SLC35E2B: variants seen among roughly 807,000 people sequenced by gnomAD.
SLC35E2B encodes the protein solute carrier family 35 member E2B, also known as solute carrier family 35, member E2B.
A neutral mutation model predicts 32.4 loss-of-function variants in SLC35E2B; 18 were observed. That is an observed-to-expected ratio of 0.56 (90% CI 0.38 to 0.82). SLC35E2B has a LOEUF of 0.82. SLC35E2B is among the 40% of genes least tolerant of loss of function. The pLI is 0.00. For synonymous variants in SLC35E2B, 132 were observed against 209.1 expected (o/e 0.63, Z 3.18); for missense variants, 263 against 469.5 (o/e 0.56, Z 4.06).
intron 2 of SLC35E2B, among the ~76,000 whole-genome samples, chr1:1,677,952 A>G (rs889659291): frequency 9.3e-5 from 14 of 151,104 alleles, no homozygotes; most frequent in African/African-American, 2.9e-4. Context: ...GTGACTCCGC[A>G]GCACCGAGAC....
In SLC35E2B at chr1:1,664,536, A is replaced by T; in HGVS notation, c.*1246T>A. On this transcript the variant is annotated 3_prime_UTR_variant, in exon 10 of 10. Coordinates refer to ENST00000617444, the MANE Select transcript of SLC35E2B (RefSeq NM_001290264.2). ...GCCAGCTGCGAGATTGGGGGTAAAGAGCTCAGACATGGTCAGAAGCCTCTG... is the reference window on the plus strand; with the variant it reads ...GCCAGCTGCGAGATTGGGGGTAAAGTGCTCAGACATGGTCAGAAGCCTCTG... The T allele has an allele frequency of 1.1e-6, 1 of 913,358 alleles. No homozygotes were observed. Among genetic ancestry groups the T allele is most frequent in the South Asian group, 4.9e-5 (1 of 20,372 alleles). 56.6% of individuals were successfully genotyped at this position (913,358 alleles called of 1,614,324 possible). A position where few individuals can be genotyped will look rare whatever the true frequency, so the allele number is the denominator to read the frequency against.
At chr1:1,683,295 C>A (rs1177240363) in intron 2 of SLC35E2B, among the ~76,000 whole-genome samples, 1 of 152,144 alleles carries the variant, frequency 6.6e-6, no homozygotes, top group African/African-American at 2.4e-5. Flanking sequence ...GGGCTGGATC[C>A]CACAAGACTG....
At chr1:1,679,557 T>A (rs1230712261) in intron 2 of SLC35E2B, among the ~76,000 whole-genome samples, 1 of 152,062 alleles carries the variant, frequency 6.6e-6, no homozygotes, top group Admixed American at 6.6e-5. Flanking sequence ...CCAGGCGCCG[T>A]GGCTCACACC....
chr1:1,665,746 G>C lies in SLC35E2B; in HGVS notation c.*36C>G. On this transcript the variant is annotated 3_prime_UTR_variant, in exon 10 of 10. Coordinates refer to ENST00000617444, the MANE Select transcript of SLC35E2B (RefSeq NM_001290264.2). ...CCTGCCCATTTCTGGGGGATGCAGT[G>C]TCACGAGGACAGCAGCAGCTGGCAG... The C allele has an allele frequency of 6.5e-7, 1 of 1,544,582 alleles. No homozygotes were observed. The highest frequency in any genetic ancestry group is 8.8e-7 in the Non-Finnish European group (1 of 1,142,698).
intron 2 of SLC35E2B, among the ~76,000 whole-genome samples, chr1:1,681,186 C>G (rs1232134646): frequency 6.6e-6 from 1 of 151,860 alleles, no homozygotes; most frequent in African/African-American, 2.4e-5. Context: ...TCTAGTGAGA[C>G]CTTTCTTTCC....
intron 2 of SLC35E2B, among the ~76,000 whole-genome samples, chr1:1,677,531 G>T (rs1299593265): frequency 8.1e-5 from 12 of 148,038 alleles, no homozygotes; most frequent in African/African-American, 3.0e-4. Context: ...AGGCTGAAGT[G>T]CAGAGGCGTG....
chr1:1,688,923 G>A (rs980785437), intron 2 of SLC35E2B, among the ~76,000 whole-genome samples: 1 of 151,790 alleles, frequency 6.6e-6, no homozygotes, highest in African/African-American at 2.4e-5. Flanking sequence ...TGTAATCCCA[G>A]CACTTTGGGA....
chr1:1,667,978 G>A (rs1261757180), intron 9 of SLC35E2B, among the ~76,000 whole-genome samples: 2 of 151,114 alleles, frequency 1.3e-5, no homozygotes, highest in East Asian at 1.9e-4. Context: ...TCAGCCTCCC[G>A]AGTAGCTGGG....
chr1:1,667,528 A>G (rs908313028), intron 9 of SLC35E2B, among the ~76,000 whole-genome samples: 10 of 152,184 alleles, frequency 6.6e-5, no homozygotes, highest in African/African-American at 2.4e-4. Context: ...CTAGAGCTGC[A>G]CCGCACGGCA....
intron 9 of SLC35E2B, among the ~76,000 whole-genome samples, chr1:1,666,793 G>A: frequency 6.6e-6 from 1 of 151,862 alleles, no homozygotes; most frequent in African/African-American, 2.4e-5. Context: ...GCCGGGCACG[G>A]GGGCTCAGCC....
Position 1,664,369 on chromosome 1 carries a change from T to A in SLC35E2B, c.*1413A>T, listed in dbSNP as rs1643487920. The A allele has an allele frequency of 2.1e-6, 2 of 948,392 alleles. No individual in the cohort carries two copies. The highest frequency in any genetic ancestry group is 3.5e-5 in the African/African-American group (2 of 56,440). The allele number at this position is 948,392 out of a possible 1,614,324, so 58.7% of individuals were successfully genotyped here. ...GAAGCCAAATGGAAAGCCAGTGAAGTGACCATGGGTGCCAAAGGCCTAAAG... is the reference window on the plus strand; with the variant it reads ...GAAGCCAAATGGAAAGCCAGTGAAGAGACCATGGGTGCCAAAGGCCTAAAG... On this transcript the variant is annotated 3_prime_UTR_variant, in exon 10 of 10. Transcript: ENST00000617444.
chr1:1,682,556 C>G (rs1030220431), intron 2 of SLC35E2B, among the ~76,000 whole-genome samples: 1 of 152,074 alleles, frequency 6.6e-6, no homozygotes, highest in African/African-American at 2.4e-5. Context: ...CTCCACCATG[C>G]GCTGTCAGCT....
In SLC35E2B at chr1:1,666,037, G is replaced by A. The variant is rs2101089966; in HGVS notation, c.981-18C>T. 3.9e-6 allele frequency: 6 copies of A among 1,545,890 alleles called. No homozygotes were observed. In the South Asian group the frequency reaches 6.0e-5, roughly 15 times the overall value. ...TGGCGACGCTGCGGAGGCAAGGGGA[G>A]GCAGCAGGGGCGCTCAGGGCTATGG... On this transcript the variant is annotated intron_variant, in intron 9 of 9. Coordinates refer to ENST00000617444, the MANE Select transcript of SLC35E2B (RefSeq NM_001290264.2).
At chr1:1,683,479 G>A (rs896138399) in intron 2 of SLC35E2B, among the ~76,000 whole-genome samples, 3 of 152,218 alleles carry the variant, frequency 2.0e-5, no homozygotes, top group East Asian at 1.9e-4. Flanking sequence ...GCAGAGACGC[G>A]CAGGCAAGGC....
At chr1:1,675,173 T>C (rs999852456) in intron 5 of SLC35E2B, among the ~76,000 whole-genome samples, 5 of 141,374 alleles carry the variant, frequency 3.5e-5, no homozygotes, top group Non-Finnish European at 8.1e-5. Flanking sequence ...TGCAGTAATC[T>C]TGCTTGCCAG....
At chr1:1,672,510 ACT>A (rs2101099115) in intron 5 of SLC35E2B, 1 of 151,962 alleles carries the variant, frequency 6.6e-6, no homozygotes, top group African/African-American at 2.4e-5. Flanking sequence ...TCTGCTGGAA[ACT>A]CTGGTTGAAT....
chr1:1,682,257 A>C (rs74045932), intron 2 of SLC35E2B, among the ~76,000 whole-genome samples: 1 of 152,068 alleles, frequency 6.6e-6, no homozygotes, highest in Admixed American at 6.6e-5. Context: ...CAGAGGGCCA[A>C]ACGGTCCCGG....
rs1643400286 is a variant in SLC35E2B at position 1,661,597 on chromosome 1, A to C, written c.*4185T>G. On this transcript the variant is annotated 3_prime_UTR_variant, in exon 10 of 10. Coordinates refer to ENST00000617444, the MANE Select transcript of SLC35E2B (RefSeq NM_001290264.2). ...CCACGGGATTAGTTACACGGTATCA[A>C]CTTACCACCACAGCAGAATCAACAG... The C allele has an allele frequency of 1.6e-6, 1 of 618,698 alleles. No individual in the cohort carries two copies. The highest frequency in any genetic ancestry group is 2.0e-6 in the Non-Finnish European group (1 of 492,084). The allele number at this position is 618,698 out of a possible 1,614,324, so 38.3% of individuals were successfully genotyped here. A position where few individuals can be genotyped will look rare whatever the true frequency, so the allele number is the denominator to read the frequency against.
chr1:1,689,059 C>G (rs1346732341), intron 2 of SLC35E2B, among the ~76,000 whole-genome samples: 1 of 151,836 alleles, frequency 6.6e-6, no homozygotes, highest in Non-Finnish European at 1.5e-5. Context: ...GTAGTCCCAA[C>G]TACACAGGAG....
Sources: allele counts gnomAD v4.1 joint callset (sites outside exome capture counted in the v4.1 genomes callset), GRCh38; gene constraint gnomAD v4.1.1; transcripts MANE v1.5; gene names NCBI Gene and HGNC (gene_info 2026-07-23, HGNC 2026-07-21).